The following POGZ variants were observed in gnomAD, a reference collection of about 807,000 sequenced individuals.
POGZ encodes the protein pogo transposable element with ZNF domain.
In POGZ, 17 loss-of-function variants were observed where a neutral mutation model predicts 134.6. The observed-to-expected ratio is 0.13, with a 90% CI of 0.09 to 0.19. POGZ has a LOEUF of 0.19. Among genes scored for constraint, POGZ ranks in the 10% least tolerant of loss-of-function variants. POGZ has a pLI of 1.00. For missense variants in POGZ, 1,306 were observed against 1,769.7 expected (o/e 0.74, Z 4.70); for synonymous variants, 693 against 657.1 (o/e 1.05, Z -0.84).
At chr1:151,427,410 A>C (rs1657966610) in intron 7 of POGZ, 1 of 210,236 alleles carries the variant, frequency 4.8e-6, no homozygotes, top group Non-Finnish European at 9.9e-6. Context: ...CACAAAGCCT[A>C]CAACTTTACT....
At chr1:151,458,759 G>A (rs1342171613) in intron 1 of POGZ, among the ~76,000 whole-genome samples, 6 of 145,538 alleles carry the variant, frequency 4.1e-5, no homozygotes, top group Non-Finnish European at 6.1e-5. Flanking sequence ...GACGCCTCGC[G>A]CCGAGCGTGC....
rs765408999 is a variant in POGZ, at chr1:151,404,943, A to C, written c.4092T>G (p.Ser1364=). Residue 1364 remains serine (S), a synonymous_variant, in exon 19 of 19, where the codon TCT becomes TCG. Transcript: ENST00000271715. ...EEQLKLSGEH[S]ESSTPRPRSS... ...ATCTGGGTCGTGGAGTGGAAGACTC[A>C]GAATGTTCCCCACTCAGCTTCAGTT... 20 of 1,614,208 alleles carry C rather than the reference A, an allele frequency of 1.2e-5. No homozygotes were observed. Among genetic ancestry groups the C allele is most frequent in the Non-Finnish European group, 1.4e-5 (16 of 1,180,052 alleles).
intron 10 of POGZ, among the ~76,000 whole-genome samples, chr1:151,414,253 A>G (rs995297903): frequency 3.9e-5 from 6 of 152,172 alleles, no homozygotes; most frequent in African/African-American, 1.4e-4. Flanking sequence ...CAACATAACG[A>G]TATTATCTCT....
Position 151,438,654 on chromosome 1 carries a change from G to GA in POGZ, c.283+2273dup, listed in dbSNP as rs532535590. 2.5e-4 allele frequency among the ~76,000 whole-genome samples: 38 copies of GA among 152,264 alleles called. No homozygotes were observed. The East Asian group carries it at 7.1e-3, about 29-fold the overall frequency. On this transcript the variant is annotated intron_variant, in intron 3 of 18. Transcript: ENST00000271715. Reference sequence around the variant, plus strand: ...GCACTTTGGGAGGCCAAGGAGGGAGGATCGCTTGAGCTTGGGAGTTTGAGA... The same window carrying GA: ...GCACTTTGGGAGGCCAAGGAGGGAGGAATCGCTTGAGCTTGGGAGTTTGAGA...
chr1:151,411,829 T>A, intron 11 of POGZ, 58 bp from the exon 12 acceptor site: 17 of 1,362,366 alleles, frequency 1.2e-5, no homozygotes, highest in South Asian at 1.6e-5. Flanking sequence ...TGAGAGGCCT[T>A]AAAAAAAAAG....
intron 2 of POGZ, 71 bp downstream of exon 2, chr1:151,442,010 C>T (rs1370982694): frequency 1.7e-6 from 2 of 1,166,946 alleles, no homozygotes; most frequent in Non-Finnish European, 2.5e-6. Context: ...TTCCATCTCA[C>T]ACTTTGTTAA....
chr1:151,441,864 A>G (rs904059437), intron 2 of POGZ, among the ~76,000 whole-genome samples: 1 of 152,196 alleles, frequency 6.6e-6, no homozygotes, highest in African/African-American at 2.4e-5. Context: ...CAACCTTCCA[A>G]TGTTTTCGAT....
At chr1:151,413,654 CTTTTTTCT>C (rs2102202827) in intron 10 of POGZ, among the ~76,000 whole-genome samples, 1 of 134,482 alleles carries the variant, frequency 7.4e-6, no homozygotes, top group South Asian at 2.7e-4. Flanking sequence ...TGAAATAATT[CTTTTTTCT>C]TTTTTTAACT....
At chr1:151,432,650 T>C (rs954218984) in intron 3 of POGZ, among the ~76,000 whole-genome samples, 1 of 152,222 alleles carries the variant, frequency 6.6e-6, no homozygotes, top group Non-Finnish European at 1.5e-5. Flanking sequence ...TAATTATCAA[T>C]GTATGGCAAG....
chr1:151,424,751 C>T (rs888246432), intron 8 of POGZ, among the ~76,000 whole-genome samples: 10 of 152,194 alleles, frequency 6.6e-5, no homozygotes, highest in Non-Finnish European at 1.5e-4. Flanking sequence ...AAAGTAAGAT[C>T]ACATATGTTC....
intron 17 of POGZ, 60 bp downstream of exon 17, chr1:151,406,851 G>A (rs184846346): frequency 1.5e-6 from 2 of 1,305,004 alleles, no homozygotes; most frequent in East Asian, 2.3e-5. Context: ...GATGCATACA[G>A]TACGAACCTG....
chr1:151,455,000 A>ACTC (rs1662593798), intron 1 of POGZ: 1 of 152,020 alleles, frequency 6.6e-6, no homozygotes, highest in Non-Finnish European at 1.5e-5. Context: ...CCAGCTACTG[A>ACTC]GGAAGCTGAA....
chr1:151,458,791 CGGGGCCGT>C (rs1480618666), intron 1 of POGZ, among the ~76,000 whole-genome samples: 1 of 143,948 alleles, frequency 6.9e-6, no homozygotes, highest in Non-Finnish European at 1.5e-5. Flanking sequence ...GGGCTGTGTG[CGGGGCCGT>C]GGGGCGCGAG....
rs1242687031 is a variant in POGZ at position 151,402,724 on chromosome 1, AAC to A, written c.*2076_*2077del. 6.6e-6 allele frequency: 1 copy of A among 152,230 alleles called. No homozygotes were observed. Among genetic ancestry groups the A allele is most frequent in the African/African-American group, 2.4e-5 (1 of 41,452 alleles). The allele number at this position is 152,230 out of a possible 1,614,324, so 9.4% of individuals were successfully genotyped here. On this transcript the variant is annotated 3_prime_UTR_variant, in exon 19 of 19. Transcript: ENST00000271715. The stretch of plus-strand genomic sequence containing the variant: ...CCACACATTCAGTCTCAACACAGGA[AAC>A]AGTCAATAAATACATGTTTATTGAT...
At chr1:151,411,586 A>C (rs914063340) in intron 12 of POGZ, 39 bp downstream of exon 12, 1 of 1,501,126 alleles carries the variant, frequency 6.7e-7, no homozygotes, top group Non-Finnish European at 9.0e-7. Context: ...TAAAAAAAAA[A>C]AAAACAAGAG....
chr1:151,413,030 C>T (rs894221495), intron 10 of POGZ, among the ~76,000 whole-genome samples: 1 of 151,712 alleles, frequency 6.6e-6, no homozygotes, highest in African/African-American at 2.4e-5. Flanking sequence ...TCTCGAACTC[C>T]TGACCTCAGG....
rs556553243 is a variant in POGZ at position 151,404,947 on chromosome 1, T to C, written c.4088A>G (p.His1363Arg). The C allele has an allele frequency of 8.1e-6, 13 of 1,614,170 alleles. No homozygotes were observed. In the South Asian group the frequency reaches 9.9e-5, roughly 12 times the overall value. Reference protein sequence around the residue: ...LEEQLKLSGEHSESSTPRPRS... With the variant: ...LEEQLKLSGERSESSTPRPRS... ...GGGTCGTGGAGTGGAAGACTCAGAA[T>C]GTTCCCCACTCAGCTTCAGTTGCTC... Residue 1363 changes from histidine to arginine, a missense_variant, in exon 19 of 19, where the codon CAT becomes CGT. By Grantham distance (29) the His-to-Arg change is conservative (BLOSUM62 0). Coordinates refer to ENST00000271715, the MANE Select transcript of POGZ (RefSeq NM_015100.4).
chr1:151,405,489 C>A lies in POGZ; in HGVS notation c.3546G>T (p.Gln1182His), dbSNP rs767143461. The part of the protein sequence containing the change: ...TLVFYRGQMD[Q>H]PANMPDSILL... ...ATATGGAGTCTGGCATGTTAGCAGGCTGATCCATCTGCCCTCTGTAGAAAA... is the reference window on the plus strand; with the variant it reads ...ATATGGAGTCTGGCATGTTAGCAGGATGATCCATCTGCCCTCTGTAGAAAA... The change falls in exon 19 of 19, where the codon CAG becomes CAT. Residue 1182 changes from glutamine to histidine, a missense_variant. Gln to His is a conservative substitution (Grantham distance 24). Coordinates refer to ENST00000271715, the MANE Select transcript of POGZ (RefSeq NM_015100.4). This position sits in a 1 kb window ranked among gnomAD's most constrained non-coding sequence, Gnocchi z 4.9. 1 of 1,614,244 alleles carries A rather than the reference C, an allele frequency of 6.2e-7. No individual in the cohort carries two copies. Among genetic ancestry groups the A allele is most frequent in the Non-Finnish European group, 8.5e-7 (1 of 1,180,046 alleles).
intron 10 of POGZ, among the ~76,000 whole-genome samples, chr1:151,420,476 C>G (rs1255479708): frequency 1.3e-5 from 2 of 152,016 alleles, no homozygotes; most frequent in Non-Finnish European, 2.9e-5. Flanking sequence ...GCCACCACAC[C>G]CAATTTTTGT....
Sources: allele counts gnomAD v4.1 joint callset (sites outside exome capture counted in the v4.1 genomes callset), GRCh38; gene constraint gnomAD v4.1.1; non-coding constraint Gnocchi (gnomAD v3.1); transcripts MANE v1.5; gene names NCBI Gene and HGNC (gene_info 2026-07-23, HGNC 2026-07-21).